AP3B1: variants seen among roughly 807,000 people sequenced by gnomAD.
AP3B1 encodes adaptor related protein complex 3 subunit beta 1.
In AP3B1, 61 loss-of-function variants were observed where a neutral mutation model predicts 132.5. The ratio of observed to expected loss-of-function variants is 0.46; its 90% CI spans 0.37 to 0.57. The LOEUF is 0.57. Ranked by LOEUF, AP3B1 falls within the 20% of genes least tolerant of loss-of-function variation. AP3B1 has a pLI of 0.00. For synonymous variants in AP3B1, 388 were observed against 438.3 expected (o/e 0.89, Z 1.43); for missense variants, 1,120 against 1,289.4 (o/e 0.87, Z 2.01).
intron 14 of AP3B1, among the ~76,000 whole-genome samples, chr5:78,141,938 G>A (rs771657712): frequency 2.7e-4 from 41 of 152,246 alleles, no homozygotes; most frequent in Admixed American, 1.8e-3. Flanking sequence ...AAGCCCATTT[G>A]AGAACCCACA....
intron 11 of AP3B1, among the ~76,000 whole-genome samples, chr5:78,175,312 G>T (rs1265140810): frequency 6.6e-6 from 1 of 152,158 alleles, no homozygotes; most frequent in Admixed American, 6.5e-5. Flanking sequence ...AATCATGGTG[G>T]GAGCTGCAGA....
In AP3B1 at chr5:78,181,585, CT is replaced by C; in HGVS notation, c.863del (p.Lys288ArgfsTer13). 1 of 1,612,494 alleles carries C rather than the reference CT, an allele frequency of 6.2e-7. No homozygotes were observed. Among genetic ancestry groups the C allele is most frequent in the Non-Finnish European group, 8.5e-7 (1 of 1,179,318 alleles). On this transcript the variant is annotated frameshift_variant, in exon 8 of 27. Coordinates refer to ENST00000255194, the MANE Select transcript of AP3B1 (RefSeq NM_003664.5). LOFTEE classifies it high-confidence loss of function. ...DDQKEKTDKK[K>X]KPYTMDPDHR... Reference sequence around the variant, plus strand: ...GATCTGGATCCATAGTATACGGCTTCTTCTTTTTGTCAGTCTTTTCCTTCTG... The same window carrying C: ...GATCTGGATCCATAGTATACGGCTTCTCTTTTTGTCAGTCTTTTCCTTCTG...
At chr5:78,175,534 G>T in intron 11 of AP3B1, 92 bp downstream of exon 11, 1 of 912,706 alleles carries the variant, frequency 1.1e-6, no homozygotes, top group Non-Finnish European at 1.8e-6. Flanking sequence ...GTTTTGAAAA[G>T]CAGGACTGCA....
intron 7 of AP3B1, among the ~76,000 whole-genome samples, chr5:78,183,994 T>G (rs1452370500): frequency 6.9e-6 from 1 of 144,548 alleles, no homozygotes; most frequent in Non-Finnish European, 1.5e-5. Context: ...ATGGTGAAAC[T>G]CCATCTCTAC....
At chr5:78,240,086 C>T (rs4298241) in intron 3 of AP3B1, among the ~76,000 whole-genome samples, 35,487 of 152,176 alleles carry the variant, frequency 0.23, 5,031 homozygotes, top group South Asian at 0.35. Context: ...CTTGCCCGTG[C>T]AAGAATGCTT....
chr5:78,100,908 A>G lies in AP3B1; in HGVS notation c.2470+45T>C, dbSNP rs1336161998. On this transcript the variant is annotated intron_variant, in intron 21 of 26. Coordinates refer to ENST00000255194, the MANE Select transcript of AP3B1 (RefSeq NM_003664.5). ...GAAAGGTACTATAAAAATAAAAAAT[A>G]CTCTTACTAAACACAGAAGAAATAT... 3.4e-6 allele frequency: 4 copies of G among 1,168,438 alleles called. No individual in the cohort carries two copies. The East Asian group carries it at 1.0e-4, about 29-fold the overall frequency. 72.4% of individuals were successfully genotyped at this position (1,168,438 alleles called of 1,614,324 possible). A position where few individuals can be genotyped will look rare whatever the true frequency, so the allele number is the denominator to read the frequency against.
chr5:78,048,112 C>T (rs1748418676), intron 22 of AP3B1, among the ~76,000 whole-genome samples: 1 of 152,172 alleles, frequency 6.6e-6, no homozygotes, highest in Non-Finnish European at 1.5e-5. Flanking sequence ...CAGAATACAA[C>T]TTTACAAAGT....
rs138491341 is a variant in AP3B1 at position 78,033,915 on chromosome 5, C to G, written c.2894+446G>C. Among the ~76,000 whole-genome samples, 1,314 of 151,910 alleles carry G rather than the reference C, an allele frequency of 8.6e-3. 15 individuals carry two copies. The highest frequency in any genetic ancestry group is 0.022 in the African/African-American group (894 of 41,508). On this transcript the variant is annotated intron_variant, in intron 24 of 26. Coordinates refer to ENST00000255194, the MANE Select transcript of AP3B1 (RefSeq NM_003664.5). ...AAAAAAAATGTGTGAGTTTTAGGTA[C>G]TGATGGCATCAATAATATTCCACTT... is the stretch of plus-strand genomic sequence containing the variant.
chr5:78,095,853 T>G (rs1414312523), intron 21 of AP3B1, among the ~76,000 whole-genome samples: 1 of 152,346 alleles, frequency 6.6e-6, no homozygotes, highest in East Asian at 1.9e-4. Flanking sequence ...ATGAAAGATT[T>G]TTAAAGAAAT....
intron 2 of AP3B1, among the ~76,000 whole-genome samples, chr5:78,259,364 A>G (rs932679376): frequency 2.0e-5 from 3 of 152,178 alleles, no homozygotes; most frequent in Non-Finnish European, 4.4e-5. Flanking sequence ...TGGTTACCAG[A>G]GGCTGAGAAG....
chr5:78,055,735 G>A (rs252788), intron 22 of AP3B1, among the ~76,000 whole-genome samples: 39,038 of 151,948 alleles, frequency 0.26, 5,686 homozygotes, highest in Admixed American at 0.39. Flanking sequence ...CAAGGAGAGA[G>A]GTGGAAAGAA....
chr5:78,011,403 T>C (rs548793706), intron 26 of AP3B1, among the ~76,000 whole-genome samples: 1 of 152,294 alleles, frequency 6.6e-6, no homozygotes, highest in South Asian at 2.1e-4. Flanking sequence ...TTCAAGTAAG[T>C]ACGACAGAAA....
intron 21 of AP3B1, among the ~76,000 whole-genome samples, chr5:78,096,515 T>C (rs1750793140): frequency 6.7e-6 from 1 of 148,306 alleles, no homozygotes; most frequent in African/African-American, 2.5e-5. Context: ...CTGCCCAGTC[T>C]GGAAAGTGAG....
At chr5:78,160,895 A>G (rs983156722) in intron 13 of AP3B1, among the ~76,000 whole-genome samples, 7 of 152,000 alleles carry the variant, frequency 4.6e-5, no homozygotes, top group African/African-American at 1.7e-4. Context: ...AAAATAGTGT[A>G]GCATATGTGA....
chr5:78,184,280 G>C (rs968459139), intron 7 of AP3B1, among the ~76,000 whole-genome samples: 10 of 152,010 alleles, frequency 6.6e-5, no homozygotes, highest in African/African-American at 2.4e-4. Flanking sequence ...CTAATGAATG[G>C]GATCAAAAGC....
At chr5:78,228,087 A>G (rs779607327) in intron 4 of AP3B1, 57 bp downstream of exon 4, 524 of 1,210,210 alleles carry the variant, frequency 4.3e-4, no homozygotes, top group Non-Finnish European at 4.6e-4. Flanking sequence ...TTTAACTGAC[A>G]CACTTTCAAC....
intron 17 of AP3B1, among the ~76,000 whole-genome samples, chr5:78,123,322 G>T (rs540205752): frequency 6.6e-6 from 1 of 152,154 alleles, no homozygotes; most frequent in Non-Finnish European, 1.5e-5. Context: ...AAAAGCAATG[G>T]TAACAAAAGC....
At chr5:78,040,769 G>C (rs1039825980) in intron 22 of AP3B1, among the ~76,000 whole-genome samples, 1 of 151,916 alleles carries the variant, frequency 6.6e-6, no homozygotes, top group African/African-American at 2.4e-5. Flanking sequence ...ATAGTTCTGA[G>C]AGTATATATC....
At chr5:78,164,458 T>C (rs2112374810) in intron 12 of AP3B1, among the ~76,000 whole-genome samples, 1 of 152,058 alleles carries the variant, frequency 6.6e-6, no homozygotes, top group East Asian at 1.9e-4. Flanking sequence ...GGAGACTTGA[T>C]ATAAGCAAAA....
Sources: gnomAD v4.1 joint callset for allele counts (sites outside exome capture counted in the v4.1 genomes callset) on GRCh38, gnomAD v4.1.1 for gene constraint, MANE v1.5 for transcripts, NCBI Gene and HGNC (gene_info 2026-07-23, HGNC 2026-07-21) for gene names.